RFX3: variants seen among roughly 807,000 people sequenced by gnomAD.
RFX3 encodes the protein transcription factor RFX3.
A neutral mutation model predicts 98.6 loss-of-function variants in RFX3; 14 were observed. The ratio of observed to expected loss-of-function variants is 0.14; its 90% confidence interval spans 0.09 to 0.22. The LOEUF (loss-of-function observed/expected upper bound fraction) is 0.22. RFX3 is among the 10% of genes least tolerant of loss of function. The probability of loss-of-function intolerance (pLI) is 1.00; values close to 1 mark genes in which losing one functional copy is unlikely to be tolerated. For missense variants in RFX3, 639 were observed against 926.9 expected (o/e 0.69, Z 4.03); for synonymous variants, 383 against 328.4 (o/e 1.17, Z -1.80).
intron 1 of RFX3, among the ~76,000 whole-genome samples, chr9:3,509,501 T>C (rs1426162594): frequency 6.6e-6 from 1 of 151,938 alleles, no homozygotes; most frequent in Non-Finnish European, 1.5e-5. Flanking sequence ...ATACAAATAA[T>C]AGGAATTAAA....
intron 2 of RFX3, among the ~76,000 whole-genome samples, chr9:3,376,223 T>C (rs1442084956): frequency 1.3e-5 from 2 of 152,148 alleles, no homozygotes; most frequent in Non-Finnish European, 2.9e-5. Flanking sequence ...AGAACTCTCA[T>C]ATACTGCTGG....
intron 1 of RFX3, among the ~76,000 whole-genome samples, chr9:3,472,022 A>C (rs1246852682): frequency 6.6e-6 from 1 of 152,258 alleles, no homozygotes; most frequent in African/African-American, 2.4e-5. Context: ...GTCCTGGGAC[A>C]CAGAAGGGTC....
chr9:3,442,650 A>G (rs1350792467), intron 1 of RFX3, among the ~76,000 whole-genome samples: 1 of 152,212 alleles, frequency 6.6e-6, no homozygotes, highest in African/African-American at 2.4e-5. Flanking sequence ...TAAAACGTTC[A>G]CAAAAGGAGA....
chr9:3,247,794 T>C lies in RFX3; in HGVS notation c.1968+238A>G, dbSNP rs746009128. 2.4e-5 allele frequency: 39 copies of C among 1,604,530 alleles called. No homozygotes were observed. In the Middle Eastern group the frequency reaches 5.0e-4, roughly 21 times the overall value. On this transcript the variant is annotated intron_variant, in intron 15 of 16. Coordinates refer to ENST00000617270, the MANE Select transcript of RFX3 (RefSeq NM_001282116.2). The stretch of plus-strand genomic sequence containing the variant: ...CTTTTACATAGGTACCTGTATAATA[T>C]AGAGACACATTCCATGAACTTTCAC...
intron 11 of RFX3, among the ~76,000 whole-genome samples, chr9:3,269,798 C>T (rs1824134779): frequency 6.6e-6 from 1 of 152,122 alleles, no homozygotes; most frequent in African/African-American, 2.4e-5. Flanking sequence ...TAGTTCCTAA[C>T]ATGATGTAGG....
intron 3 of RFX3, among the ~76,000 whole-genome samples, chr9:3,334,438 C>A (rs935261753): frequency 6.6e-6 from 1 of 152,162 alleles, no homozygotes; most frequent in African/African-American, 2.4e-5. Flanking sequence ...GCTTTTGGGC[C>A]TGCCCTCTTT....
intron 14 of RFX3, among the ~76,000 whole-genome samples, chr9:3,253,764 C>CTG (rs1821743274): frequency 6.6e-6 from 1 of 152,048 alleles, no homozygotes; most frequent in African/African-American, 2.4e-5. Flanking sequence ...CATGAAGGGC[C>CTG]TGTGTATGTG....
intron 15 of RFX3, among the ~76,000 whole-genome samples, chr9:3,230,119 G>C (rs1274526314): frequency 6.6e-6 from 1 of 152,070 alleles, no homozygotes; most frequent in Non-Finnish European, 1.5e-5. Flanking sequence ...GGGATGATTT[G>C]ACTACTCAAC....
At chr9:3,289,538 G>A (rs1338023944) in intron 6 of RFX3, among the ~76,000 whole-genome samples, 1 of 152,150 alleles carries the variant, frequency 6.6e-6, no homozygotes, top group African/African-American at 2.4e-5. Context: ...GTAGGGAGTA[G>A]AGGTACGGTA....
At chr9:3,481,839 T>G (rs1486892090) in intron 1 of RFX3, among the ~76,000 whole-genome samples, 2 of 151,658 alleles carry the variant, frequency 1.3e-5, no homozygotes, top group Non-Finnish European at 2.9e-5. Flanking sequence ...TCAAATAGAT[T>G]TATTCAACTA....
At chr9:3,380,391 T>A (rs1839052216) in intron 2 of RFX3, among the ~76,000 whole-genome samples, 1 of 152,160 alleles carries the variant, frequency 6.6e-6, no homozygotes, top group Non-Finnish European at 1.5e-5. Context: ...TTACCATTCT[T>A]TATGTCATCT....
intron 4 of RFX3, among the ~76,000 whole-genome samples, chr9:3,303,788 G>T (rs115502841): frequency 0.012 from 1,828 of 152,098 alleles, 46 homozygotes; most frequent in African/African-American, 0.041. Flanking sequence ...AAGAGCTTTG[G>T]AAAGGTGCAA....
At chr9:3,389,389 C>A (rs566362157) in intron 2 of RFX3, among the ~76,000 whole-genome samples, 2 of 152,062 alleles carry the variant, frequency 1.3e-5, no homozygotes, top group Non-Finnish European at 2.9e-5. Context: ...TCCAAAAAGT[C>A]TTTATAAAGA....
intron 1 of RFX3, among the ~76,000 whole-genome samples, chr9:3,483,708 G>A (rs1850009369): frequency 6.6e-6 from 1 of 152,322 alleles, no homozygotes; most frequent in East Asian, 1.9e-4. Flanking sequence ...TGTATCAGTT[G>A]AAGACATACA....
intron 15 of RFX3, chr9:3,247,567 T>C: frequency 8.4e-7 from 1 of 1,189,480 alleles, no homozygotes; most frequent in Non-Finnish European, 1.1e-6. Flanking sequence ...ATAGTAAGTG[T>C]CCAAAAAATG....
At chr9:3,490,521 T>C (rs894867891) in intron 1 of RFX3, among the ~76,000 whole-genome samples, 10 of 152,110 alleles carry the variant, frequency 6.6e-5, no homozygotes, top group African/African-American at 2.4e-4. Flanking sequence ...TATTTTTAGA[T>C]GTTTCTGATT....
At chr9:3,347,502 T>C (rs1834577535) in intron 2 of RFX3, among the ~76,000 whole-genome samples, 1 of 152,062 alleles carries the variant, frequency 6.6e-6, no homozygotes, top group Non-Finnish European at 1.5e-5. Context: ...ATCTTTTCTG[T>C]TTATTCCCTT....
chr9:3,406,013 G>A (rs1841935974), intron 1 of RFX3, among the ~76,000 whole-genome samples: 1 of 151,972 alleles, frequency 6.6e-6, no homozygotes, highest in Admixed American at 6.6e-5. Flanking sequence ...GCAGTGCAGT[G>A]GCACAAACTT....
intron 1 of RFX3, among the ~76,000 whole-genome samples, chr9:3,506,773 G>T (rs1817142541): frequency 6.6e-6 from 1 of 151,612 alleles, no homozygotes; most frequent in Non-Finnish European, 1.5e-5. Context: ...AAAAAGACCT[G>T]GATTAAGGTC....
Sources: allele counts gnomAD v4.1 joint callset (sites outside exome capture counted in the v4.1 genomes callset), GRCh38; gene constraint gnomAD v4.1.1; transcripts MANE v1.5; gene names NCBI Gene and HGNC (gene_info 2026-07-23, HGNC 2026-07-21).